Variants in SNX29 observed in about 807,000 individuals in gnomAD.
The protein encoded by SNX29 is sorting nexin-29.
Under a neutral mutation model 102.1 loss-of-function variants are expected in SNX29, and 78 were observed. The ratio of observed to expected loss-of-function variants is 0.76; its 90% CI spans 0.64 to 0.92. The LOEUF is 0.92. SNX29 is among the 40% of genes least tolerant of loss of function. The pLI, the probability that SNX29 is intolerant of heterozygous loss-of-function variation, is 0.00. For synonymous variants in SNX29, 580 were observed against 414.5 expected (o/e 1.40, Z -4.85); for missense variants, 1,280 against 1,061.7 (o/e 1.21, Z -2.86).
At chr16:12,103,909 T>A (rs2053124406) in intron 11 of SNX29, among the ~76,000 whole-genome samples, 1 of 152,256 alleles carries the variant, frequency 6.6e-6, no homozygotes, top group East Asian at 1.9e-4. Flanking sequence ...TTCTGTGATG[T>A]TTTTGTAATC....
At chr16:12,058,985 G>T (rs371600622) in intron 8 of SNX29, among the ~76,000 whole-genome samples, 2 of 151,298 alleles carry the variant, frequency 1.3e-5, no homozygotes, top group East Asian at 1.9e-4. Flanking sequence ...TAGAGACAGG[G>T]CTCGAACTCT....
intron 14 of SNX29, among the ~76,000 whole-genome samples, chr16:12,259,353 G>T (rs1177440164): frequency 1.3e-5 from 2 of 152,194 alleles, no homozygotes; most frequent in Admixed American, 1.3e-4. Flanking sequence ...GGCAGCATTG[G>T]CTGTGCTGGC....
chr16:12,394,223 A>G (rs185813471), intron 16 of SNX29, among the ~76,000 whole-genome samples: 1 of 152,320 alleles, frequency 6.6e-6, no homozygotes, highest in East Asian at 1.9e-4. Context: ...GATTTTCTTC[A>G]CCCATCAGAG....
intron 10 of SNX29, among the ~76,000 whole-genome samples, chr16:12,073,527 G>T (rs954687443): frequency 4.0e-4 from 61 of 152,306 alleles, no homozygotes; most frequent in African/African-American, 1.4e-3. Flanking sequence ...TTGCACTGTG[G>T]TCTGAGAGAC....
intron 13 of SNX29, among the ~76,000 whole-genome samples, chr16:12,134,076 A>G (rs150964987): frequency 4.5e-4 from 68 of 152,356 alleles, no homozygotes; most frequent in African/African-American, 1.5e-3. Context: ...TCTGTAAGTC[A>G]CATTCCTTGA....
At chr16:12,316,794 G>A (rs753176442) in intron 15 of SNX29, among the ~76,000 whole-genome samples, 14 of 152,152 alleles carry the variant, frequency 9.2e-5, no homozygotes, top group Non-Finnish European at 1.5e-4. Context: ...AGCCCTCCCA[G>A]GGATGGAACC....
rs1453790509 is a variant in SNX29, at chr16:12,199,591, G to C, written c.1596-10G>C. On this transcript the variant is annotated splice_polypyrimidine_tract_variant and intron_variant, in intron 13 of 20. Coordinates refer to ENST00000566228, the MANE Select transcript of SNX29 (RefSeq NM_032167.5). ...AAATATATATTTTTTTAACATTCTT[G>C]TACCTGCAGAGAGAACGAGGTGCTC... 1.2e-6 allele frequency: 2 copies of C among 1,608,136 alleles called. No individual in the cohort carries two copies. The highest frequency in any genetic ancestry group is 3.4e-5 in the Admixed American group (2 of 59,594).
chr16:12,482,440 C>T (rs1267389106), intron 19 of SNX29, among the ~76,000 whole-genome samples: 1 of 152,078 alleles, frequency 6.6e-6, no homozygotes, highest in Non-Finnish European at 1.5e-5. Context: ...TAGCTGGGAC[C>T]ACAGGCATGC....
intron 4 of SNX29, among the ~76,000 whole-genome samples, chr16:12,035,485 G>A (rs553691240): frequency 6.6e-6 from 1 of 152,322 alleles, no homozygotes; most frequent in South Asian, 2.1e-4. Context: ...GCGGCTAGAT[G>A]GAAGTTGGTA....
At chr16:12,161,905 C>A (rs2055800128) in intron 13 of SNX29, among the ~76,000 whole-genome samples, 1 of 152,184 alleles carries the variant, frequency 6.6e-6, no homozygotes. Flanking sequence ...ACCAAATAGA[C>A]CTCCCTTCCA....
intron 18 of SNX29, among the ~76,000 whole-genome samples, chr16:12,429,587 T>G (rs904054857): frequency 3.3e-5 from 5 of 152,206 alleles, no homozygotes; most frequent in Non-Finnish European, 7.3e-5. Context: ...GCTTTTTAAT[T>G]TAACGTGAGA....
chr16:12,529,890 G>T, intron 20 of SNX29, among the ~76,000 whole-genome samples: 1 of 152,152 alleles, frequency 6.6e-6, no homozygotes, highest in Non-Finnish European at 1.5e-5. Flanking sequence ...CCCTTGTTTT[G>T]TGGACTGGCC....
At chr16:12,469,549 G>T (rs2087234689) in intron 18 of SNX29, among the ~76,000 whole-genome samples, 1 of 152,170 alleles carries the variant, frequency 6.6e-6, no homozygotes, top group African/African-American at 2.4e-5. Context: ...AGGGGATCAG[G>T]GTTTTAAGGA....
chr16:12,158,280 A>G (rs2055639011), intron 13 of SNX29, among the ~76,000 whole-genome samples: 2 of 151,948 alleles, frequency 1.3e-5, no homozygotes, highest in African/African-American at 2.4e-5. Flanking sequence ...GCTTACTGCA[A>G]TCTCCGCCTC....
rs569178901 is a variant in SNX29, at chr16:12,053,371, T to C, written c.1124+1149T>C. On this transcript the variant is annotated intron_variant, in intron 8 of 20. Transcript: ENST00000566228. ...TTTGTGGTGCGCAGTGCCCTCCTAA[T>C]CATGACTACTGCAAAATCCAGTCCA... 4.0e-5 allele frequency: 6 copies of C among 149,252 alleles called. No homozygotes were observed. In the South Asian group the frequency reaches 1.3e-3, roughly 32 times the overall value. The allele number at this position is 149,252 out of a possible 1,614,324, so 9.2% of individuals were successfully genotyped here.
intron 15 of SNX29, among the ~76,000 whole-genome samples, chr16:12,350,376 G>C (rs973119379): frequency 6.6e-6 from 1 of 152,202 alleles, no homozygotes; most frequent in Non-Finnish European, 1.5e-5. Flanking sequence ...ATTTAGAGAT[G>C]ATTTAGAGTA....
At chr16:12,046,311 A>C in intron 5 of SNX29, 73 bp from the exon 6 acceptor site, 1 of 1,485,374 alleles carries the variant, frequency 6.7e-7, no homozygotes, top group Non-Finnish European at 9.3e-7. Context: ...GGAGCCGTCT[A>C]ATGGAATTTC....
At chr16:12,354,235 C>G (rs919749290) in intron 15 of SNX29, among the ~76,000 whole-genome samples, 11 of 152,312 alleles carry the variant, frequency 7.2e-5, no homozygotes, top group Middle Eastern at 6.8e-3. Context: ...GATATAAAAA[C>G]TCAGAGTTTC....
chr16:12,556,952 A>AAGCC (rs1555458165), intron 20 of SNX29, among the ~76,000 whole-genome samples: 96 of 145,076 alleles, frequency 6.6e-4, no homozygotes, highest in African/African-American at 2.1e-3. Context: ...GCTCAGGCTC[A>AAGCC]GTCTTCCCAC....
Sources: gnomAD v4.1 joint callset for allele counts (sites outside exome capture counted in the v4.1 genomes callset) on GRCh38, gnomAD v4.1.1 for gene constraint, MANE v1.5 for transcripts, NCBI Gene and HGNC (gene_info 2026-07-23, HGNC 2026-07-21) for gene names.